Variants in NECAB1 observed in about 807,000 individuals in gnomAD.
NECAB1 encodes the protein N-terminal EF-hand calcium binding protein 1.
NECAB1 carries 29 observed loss-of-function variants against 57.5 expected under a neutral mutation model. The ratio of observed to expected loss-of-function variants is 0.50; its 90% CI spans 0.38 to 0.69. NECAB1 has a LOEUF of 0.69. NECAB1 is among the 30% of genes least tolerant of loss of function. The pLI is 0.00. For synonymous variants in NECAB1, 142 were observed against 147.7 expected, an observed-to-expected ratio of 0.96 and a Z score of 0.28; for missense variants, 372 against 413.8, an observed-to-expected ratio of 0.90 and a Z score of 0.88.
intron 5 of NECAB1, among the ~76,000 whole-genome samples, chr8:90,891,769 T>A (rs1020982291): frequency 7.9e-5 from 12 of 151,940 alleles, no homozygotes; most frequent in Admixed American, 7.2e-4. Flanking sequence ...TCTCAGCTCA[T>A]TGCAACCTCC....
rs577951495 is a variant in NECAB1 at position 90,922,486 on chromosome 8, A to ATTTTTTTTTTTTTT, written c.495-3038_495-3025dup. On this transcript the variant is annotated intron_variant, in intron 6 of 12. Transcript: ENST00000417640. ...ACCACCAAAGCTGCCAAAAACTTGG[A>ATTTTTTTTTTTTTT]TTTTTTTTTTTTTTTTTTTTTTTTG... 8.2e-4 allele frequency among the ~76,000 whole-genome samples: 47 copies of ATTTTTTTTTTTTTT among 57,508 alleles called. 7 individuals are homozygous for ATTTTTTTTTTTTTT. Among genetic ancestry groups the ATTTTTTTTTTTTTT allele is most frequent in the African/African-American group, 2.3e-3 (39 of 16,880 alleles). 37.7% of individuals were successfully genotyped at this position (57,508 alleles called of 152,430 possible).
At chr8:90,886,257 G>T (rs2129913744) in intron 5 of NECAB1, among the ~76,000 whole-genome samples, 1 of 151,844 alleles carries the variant, frequency 6.6e-6, no homozygotes, top group Non-Finnish European at 1.5e-5. Flanking sequence ...AATTTATAAA[G>T]GATCCGAAAG....
At chr8:90,856,407 G>A (rs797001281) in intron 3 of NECAB1, among the ~76,000 whole-genome samples, 4 of 152,068 alleles carry the variant, frequency 2.6e-5, no homozygotes, top group African/African-American at 9.6e-5. Context: ...CACCCTCAAA[G>A]CACCCCAGAG....
chr8:90,807,498 C>CT (rs1406944642), intron 2 of NECAB1, among the ~76,000 whole-genome samples: 1 of 152,166 alleles, frequency 6.6e-6, no homozygotes, highest in Non-Finnish European at 1.5e-5. Context: ...GTGATTCTGT[C>CT]TTTCGCACTT....
intron 2 of NECAB1, among the ~76,000 whole-genome samples, chr8:90,819,561 C>G (rs1812110805): frequency 6.6e-6 from 1 of 151,854 alleles, no homozygotes; most frequent in Non-Finnish European, 1.5e-5. Context: ...CTAAGTATTC[C>G]CCCTCAAAAG....
chr8:90,875,565 A>G (rs1808708399), intron 4 of NECAB1, among the ~76,000 whole-genome samples: 1 of 150,866 alleles, frequency 6.6e-6, no homozygotes. Context: ...ATTGCAATGA[A>G]TGTGCTTGAT....
chr8:90,875,233 G>C (rs1808694909), intron 4 of NECAB1, among the ~76,000 whole-genome samples: 1 of 151,900 alleles, frequency 6.6e-6, no homozygotes, highest in Non-Finnish European at 1.5e-5. Context: ...TGTAATCCCA[G>C]CACTTTGGGA....
Position 90,907,122 on chromosome 8 carries a change from TTGTGTGTGTG to T in NECAB1, c.358-10349_358-10340del, listed in dbSNP as rs111590584. ...TTTACTTCTTATAATCCACCCAATT[TTGTGTGTGTG>T]TGTGTGTGTGTGTGTGTGTGAGAGA... On this transcript the variant is annotated intron_variant, in intron 5 of 12. Transcript: ENST00000417640. Among the ~76,000 whole-genome samples the T allele has an allele frequency of 7.1e-3, 921 of 129,776 alleles. 6 individuals carry two copies. Among genetic ancestry groups the T allele is most frequent in the African/African-American group, 7.8e-3 (248 of 31,754 alleles). 85.1% of individuals were successfully genotyped at this position (129,776 alleles called of 152,430 possible). A position where few individuals can be genotyped will look rare whatever the true frequency, so the allele number is the denominator to read the frequency against.
chr8:90,959,037 T>C lies in NECAB1; in HGVS notation c.*3525T>C, dbSNP rs918825841. The C allele has an allele frequency of 3.0e-6, 4 of 1,313,140 alleles. No individual in the cohort carries two copies. The highest frequency in any genetic ancestry group is 2.0e-4 in the Middle Eastern group (1 of 4,984). The allele number at this position is 1,313,140 out of a possible 1,614,324, so 81.3% of individuals were successfully genotyped here. On this transcript the variant is annotated 3_prime_UTR_variant, in exon 13 of 13. Transcript: ENST00000417640. The stretch of plus-strand genomic sequence containing the variant: ...TAAAACTTTGGTTGTTTTCCTGTAA[T>C]ATAAAAGAAAAAGTTAATTTATCAA...
At chr8:90,955,393 G>A (rs1398519622) in intron 12 of NECAB1, 94 bp from the exon 13 acceptor site, 1 of 877,872 alleles carries the variant, frequency 1.1e-6, no homozygotes, top group Non-Finnish European at 1.8e-6. Context: ...CTAAAGGTAA[G>A]GGGAATGGTC....
At chr8:90,853,813 G>A (rs1812735994) in intron 3 of NECAB1, among the ~76,000 whole-genome samples, 1 of 152,166 alleles carries the variant, frequency 6.6e-6, no homozygotes, top group South Asian at 2.1e-4. Flanking sequence ...AAGGCTTTAA[G>A]ATGGGTGGTA....
At chr8:90,851,720 T>C (rs953480888) in intron 3 of NECAB1, among the ~76,000 whole-genome samples, 7 of 152,186 alleles carry the variant, frequency 4.6e-5, no homozygotes, top group Non-Finnish European at 2.9e-5. Flanking sequence ...TGCCCCATTA[T>C]TAACATCCCC....
chr8:90,864,401 C>A (rs927868676), intron 3 of NECAB1, among the ~76,000 whole-genome samples: 11 of 151,792 alleles, frequency 7.2e-5, no homozygotes, highest in African/African-American at 2.7e-4. Flanking sequence ...TTAAACTACT[C>A]AGCAACAAAC....
At chr8:90,889,190 C>T (rs987403079) in intron 5 of NECAB1, among the ~76,000 whole-genome samples, 1 of 152,106 alleles carries the variant, frequency 6.6e-6, no homozygotes, top group Non-Finnish European at 1.5e-5. Context: ...GGAGCCATTA[C>T]CAGTTTCCAG....
At chr8:90,867,070 C>G (rs1468757034) in intron 3 of NECAB1, among the ~76,000 whole-genome samples, 1 of 152,172 alleles carries the variant, frequency 6.6e-6, no homozygotes, top group Non-Finnish European at 1.5e-5. Context: ...TCCATGTAAG[C>G]CTTCTGCAAC....
intron 6 of NECAB1, among the ~76,000 whole-genome samples, chr8:90,920,266 T>G (rs1476941040): frequency 6.6e-6 from 1 of 152,056 alleles, no homozygotes; most frequent in Non-Finnish European, 1.5e-5. Context: ...AAGAAATGCA[T>G]AAACAAGCAA....
At chr8:90,887,220 A>C (rs1586087344) in intron 5 of NECAB1, among the ~76,000 whole-genome samples, 2 of 152,194 alleles carry the variant, frequency 1.3e-5, no homozygotes, top group African/African-American at 4.8e-5. Flanking sequence ...GTCTGTATAT[A>C]GTCTTTAATG....
chr8:90,906,072 G>T (rs1241318491), intron 5 of NECAB1, among the ~76,000 whole-genome samples: 1 of 151,986 alleles, frequency 6.6e-6, no homozygotes, highest in Non-Finnish European at 1.5e-5. Flanking sequence ...GATATGTGCG[G>T]GTAGATTGGC....
At chr8:90,882,389 T>C (rs953256132) in intron 5 of NECAB1, among the ~76,000 whole-genome samples, 1 of 151,212 alleles carries the variant, frequency 6.6e-6, no homozygotes, top group African/African-American at 2.4e-5. Flanking sequence ...TAGTGTATCC[T>C]ATATCCAAAT....
Sources: allele counts gnomAD v4.1 joint callset (sites outside exome capture counted in the v4.1 genomes callset), GRCh38; gene constraint gnomAD v4.1.1; transcripts MANE v1.5; gene names NCBI Gene and HGNC (gene_info 2026-07-23, HGNC 2026-07-21).